Variants in CDKL5 observed in about 807,000 individuals in gnomAD.
The protein encoded by CDKL5 is cyclin dependent kinase like 5.
CDKL5 carries 8 observed loss-of-function variants against 61.7 expected under a neutral mutation model. The ratio of observed to expected loss-of-function variants is 0.13; its 90% confidence interval spans 0.08 to 0.23. The LOEUF is 0.23. CDKL5 is among the 10% of genes least tolerant of loss of function. The pLI is 1.00. For missense variants in CDKL5, 440 were observed against 734.5 expected, an observed-to-expected ratio of 0.60 and a Z score of 4.63; for synonymous variants, 275 against 272.3, an observed-to-expected ratio of 1.01 and a Z score of -0.10.
At chrX:18,483,542 A>T (rs1259233450) in intron 1 of CDKL5, among the ~76,000 whole-genome samples, 3 of 110,059 alleles carry the variant, frequency 2.7e-5, no homozygotes, top group Non-Finnish European at 5.7e-5. Context: ...TCAGCCTCCC[A>T]AGTAGCTGGG....
rs537871701 is a variant in CDKL5 at position 18,562,906 on chromosome X, A to G, written c.100-1571A>G. 1.4e-4 allele frequency among the ~76,000 whole-genome samples: 16 copies of G among 112,166 alleles called. No homozygotes were observed. The South Asian group carries it at 5.9e-3, about 41-fold the overall frequency. On this transcript the variant is annotated intron_variant, in intron 3 of 17. Transcript: ENST00000623535. ...AAATTGTGTTTATGAGATGCCAGAG[A>G]AAAATAACTAATGAATTTATTCAAG...
At chrX:18,648,250 T>G (rs1927872857) in intron 20 of CDKL5, among the ~76,000 whole-genome samples, 1 of 110,273 alleles carries the variant, frequency 9.1e-6, no homozygotes, top group Non-Finnish European at 1.9e-5. Flanking sequence ...CTTCTCCTTT[T>G]TTTTTTCTTT....
intron 3 of CDKL5, among the ~76,000 whole-genome samples, chrX:18,520,111 A>C (rs762971708): frequency 1.8e-5 from 2 of 112,177 alleles, no homozygotes; most frequent in Non-Finnish European, 3.8e-5. Context: ...GTCACATAAC[A>C]TGAAATTAAC....
intron 1 of CDKL5, among the ~76,000 whole-genome samples, chrX:18,491,335 G>A (rs1436057668): frequency 1.8e-5 from 2 of 111,902 alleles, no homozygotes; most frequent in Non-Finnish European, 3.8e-5. Flanking sequence ...AAGGAACTTG[G>A]AGATCGTCCA....
In CDKL5 at chrX:18,608,850, T is replaced by C. The variant is rs775783994; in HGVS notation, c.1984T>C (p.Ser662Pro). Residue 662 changes from serine to proline, a missense_variant, in exon 13 of 18, where the codon TCT becomes CCT. Around this residue, in one of 2 missense-constraint regions of CDKL5, gnomAD observed 363 missense variants for 516.3 expected, o/e 0.70. Coordinates refer to ENST00000623535, the MANE Select transcript of CDKL5 (RefSeq NM_001323289.2). ...QLPPEMTVAR[S>P]SVKETSREGT... ...CCCTCCAGAGATGACTGTGGCAAGATCTTCGGTCAAAGAGACCTCCAGAGA... is the reference window on the plus strand; with the variant it reads ...CCCTCCAGAGATGACTGTGGCAAGACCTTCGGTCAAAGAGACCTCCAGAGA... 2.5e-6 allele frequency: 3 copies of C among 1,207,110 alleles called. No individual in the cohort carries two copies. The African/African-American group carries it at 5.3e-5, about 21-fold the overall frequency.
At chrX:18,599,278 C>G (rs1258515025) in intron 11 of CDKL5, among the ~76,000 whole-genome samples, 1 of 111,885 alleles carries the variant, frequency 8.9e-6, no homozygotes, top group Non-Finnish European at 1.9e-5. Context: ...TGACATTCCT[C>G]AATTCTGTTG....
chrX:18,482,174 G>T (rs1467247270), intron 1 of CDKL5, among the ~76,000 whole-genome samples: 1 of 111,065 alleles, frequency 9.0e-6, no homozygotes. Flanking sequence ...TGTATCCTTT[G>T]TACCAGTTAA....
At chrX:18,439,364 C>A in intron 1 of CDKL5, among the ~76,000 whole-genome samples, 1 of 108,471 alleles carries the variant, frequency 9.2e-6, no homozygotes, top group East Asian at 2.9e-4. Context: ...TGCATGAATT[C>A]ATTGAAATGC....
chrX:18,425,889 C>T (rs1345689753), intron 1 of CDKL5, among the ~76,000 whole-genome samples, 194 bp downstream of exon 1: 1 of 112,777 alleles, frequency 8.9e-6, no homozygotes, highest in East Asian at 2.9e-4. Flanking sequence ...CCCTCCTCAG[C>T]GCTCCCCTGC....
At chrX:18,462,044 C>T (rs1397758145) in intron 1 of CDKL5, among the ~76,000 whole-genome samples, 6 of 108,654 alleles carry the variant, frequency 5.5e-5, no homozygotes, top group Middle Eastern at 4.9e-3. Context: ...AGCACAAATT[C>T]GTAAACTTTC....
chrX:18,476,301 C>T (rs760492571), intron 1 of CDKL5, among the ~76,000 whole-genome samples: 44 of 110,670 alleles, frequency 4.0e-4, no homozygotes, highest in Non-Finnish European at 7.6e-4. Flanking sequence ...CTGCAACCTT[C>T]GCCTCCTGGG....
At chrX:18,606,905 T>C (rs913266693) in intron 12 of CDKL5, among the ~76,000 whole-genome samples, 1 of 112,036 alleles carries the variant, frequency 8.9e-6, no homozygotes, top group African/African-American at 3.2e-5. Context: ...AACAATAGGA[T>C]TTGTGATTTG....
At chrX:18,623,865 A>C in intron 16 of CDKL5, 1 of 733,887 alleles carries the variant, frequency 1.4e-6, no homozygotes, top group Non-Finnish European at 1.6e-6. Flanking sequence ...GTTTATTTGT[A>C]TCTTATATTG....
At chrX:18,532,006 AG>A (rs1053914393) in intron 3 of CDKL5, among the ~76,000 whole-genome samples, 1 of 112,162 alleles carries the variant, frequency 8.9e-6, no homozygotes, top group Non-Finnish European at 1.9e-5. Flanking sequence ...GCGCCCGGCC[AG>A]GGTTTTTTCT....
intron 3 of CDKL5, among the ~76,000 whole-genome samples, chrX:18,523,074 G>A (rs1045414303): frequency 1.8e-5 from 2 of 111,403 alleles, no homozygotes; most frequent in Admixed American, 9.5e-5. Context: ...GGGATTACAG[G>A]CGTGAGCCAC....
intron 1 of CDKL5, among the ~76,000 whole-genome samples, chrX:18,501,590 C>T (rs1377022942): frequency 9.0e-6 from 1 of 111,170 alleles, no homozygotes; most frequent in Non-Finnish European, 1.9e-5. Flanking sequence ...GCTCTGTCGC[C>T]CAGGCTGGAG....
At chrX:18,481,547 G>C (rs1208425159) in intron 1 of CDKL5, among the ~76,000 whole-genome samples, 12 of 96,789 alleles carry the variant, frequency 1.2e-4, no homozygotes, top group African/African-American at 4.3e-4. Flanking sequence ...TTTTTTTGTA[G>C]AGAAGGGGTT....
At position 18,456,677 on chromosome X, in the gene CDKL5, G is replaced by C. The variant is rs771136211; in HGVS notation, c.-163+30982G>C. On this transcript the variant is annotated intron_variant, in intron 1 of 17. Transcript: ENST00000623535. ...GGACTTGGAATGGTAACAATAATTAGGATTTTTTGGCAGATATTTTACTGC... is the reference window on the plus strand; with the variant it reads ...GGACTTGGAATGGTAACAATAATTACGATTTTTTGGCAGATATTTTACTGC... Among the ~76,000 whole-genome samples the C allele has an allele frequency of 6.3e-5, 7 of 111,695 alleles. No individual in the cohort carries two copies. The South Asian group carries it at 2.6e-3, about 41-fold the overall frequency.
intron 11 of CDKL5, among the ~76,000 whole-genome samples, chrX:18,601,381 TATCCATCC>T (rs930180496): frequency 8.9e-6 from 1 of 112,604 alleles, no homozygotes; most frequent in African/African-American, 3.2e-5. Context: ...AATCGTTATC[TATCCATCC>T]ATCCATCCAT....
Sources: gnomAD v4.1 joint callset for allele counts (sites outside exome capture counted in the v4.1 genomes callset) on GRCh38, gnomAD v4.1.1 for gene constraint, gnomAD v4.1.1 regional missense constraint, MANE v1.5 for transcripts, NCBI Gene and HGNC (gene_info 2026-07-23, HGNC 2026-07-21) for gene names.